The following PRKCA variants were observed in gnomAD, a reference collection of about 807,000 sequenced individuals.
The protein encoded by PRKCA is protein kinase C alpha type.
Under a neutral mutation model 87.0 loss-of-function variants are expected in PRKCA, and 27 were observed. That is an observed-to-expected ratio of 0.31 (90% CI 0.23 to 0.43). The LOEUF is 0.43. Ranked by LOEUF, PRKCA falls within the 20% of genes least tolerant of loss-of-function variation. The probability of loss-of-function intolerance (pLI) is 1.00; values close to 1 mark genes in which losing one functional copy is unlikely to be tolerated. For synonymous variants in PRKCA, 329 were observed against 311.1 expected (o/e 1.06, Z -0.61); for missense variants, 518 against 852.3 (o/e 0.61, Z 4.88).
At chr17:66,311,571 C>T (rs1905088808) in intron 2 of PRKCA, among the ~76,000 whole-genome samples, 2 of 152,094 alleles carry the variant, frequency 1.3e-5, no homozygotes, top group Non-Finnish European at 2.9e-5. Context: ...GAGGTGTGAT[C>T]GTGCCACTGC....
chr17:66,589,346 T>C (rs1598797777), intron 3 of PRKCA, among the ~76,000 whole-genome samples: 1 of 152,222 alleles, frequency 6.6e-6, no homozygotes, highest in Admixed American at 6.5e-5. Context: ...AAAGTGATCA[T>C]AAAATACTTA....
chr17:66,360,084 A>G (rs1027575858), intron 2 of PRKCA, among the ~76,000 whole-genome samples: 1 of 152,242 alleles, frequency 6.6e-6, no homozygotes, highest in Admixed American at 6.5e-5. Flanking sequence ...AGGAATATTC[A>G]TATCACTCAG....
At chr17:66,786,506 A>C (rs772970290) in intron 14 of PRKCA, among the ~76,000 whole-genome samples, 42 of 152,358 alleles carry the variant, frequency 2.8e-4, no homozygotes, top group South Asian at 6.2e-4. Flanking sequence ...CCACAAAGCC[A>C]TCTGTAACCT....
At chr17:66,333,904 T>C (rs937830096) in intron 2 of PRKCA, among the ~76,000 whole-genome samples, 13 of 152,206 alleles carry the variant, frequency 8.5e-5, no homozygotes, top group Non-Finnish European at 1.5e-4. Context: ...ATTATACTAG[T>C]CTTGTGTTCT....
At chr17:66,492,884 T>G (rs1680211889) in intron 2 of PRKCA, among the ~76,000 whole-genome samples, 1 of 152,198 alleles carries the variant, frequency 6.6e-6, no homozygotes, top group African/African-American at 2.4e-5. Flanking sequence ...GGCTGTTTTC[T>G]TCGATTCACA....
intron 13 of PRKCA, among the ~76,000 whole-genome samples, chr17:66,747,022 G>A (rs761195439): frequency 1.1e-4 from 16 of 151,870 alleles, no homozygotes; most frequent in Non-Finnish European, 2.1e-4. Context: ...ACCCCCTACT[G>A]CAGTGAGAGC....
intron 8 of PRKCA, among the ~76,000 whole-genome samples, chr17:66,720,782 A>G (rs914251417): frequency 1.3e-5 from 2 of 152,196 alleles, no homozygotes; most frequent in Admixed American, 6.5e-5. Flanking sequence ...ATTTGTTCCT[A>G]TGGTTGGTCA....
intron 2 of PRKCA, among the ~76,000 whole-genome samples, chr17:66,371,364 A>G (rs1909095404): frequency 1.3e-5 from 2 of 152,166 alleles, no homozygotes; most frequent in African/African-American, 4.8e-5. Context: ...TTGTGAAATG[A>G]CCATTCTGAA....
intron 3 of PRKCA, among the ~76,000 whole-genome samples, chr17:66,635,719 A>G (rs1716694598): frequency 6.6e-6 from 1 of 152,320 alleles, no homozygotes; most frequent in Non-Finnish European, 1.5e-5. Context: ...TAAACAGTAT[A>G]TTTAATACAT....
At chr17:66,735,391 A>G in intron 9 of PRKCA, 98 bp from the exon 10 acceptor site, 18 of 1,271,998 alleles carry the variant, frequency 1.4e-5, no homozygotes, top group Non-Finnish European at 2.0e-5. Context: ...ACAAAGGTGC[A>G]CAAACTGTCA....
In PRKCA at chr17:66,339,017, G is replaced by C. The variant is rs1206381947; in HGVS notation, c.205+32890G>C. ...GACATTTATTTATTGAAGAGTCCTTGTGTCTATATTGAGGGGAGAAACTAG... is the reference window on the plus strand; with the variant it reads ...GACATTTATTTATTGAAGAGTCCTTCTGTCTATATTGAGGGGAGAAACTAG... On this transcript the variant is annotated intron_variant, in intron 2 of 16. Transcript: ENST00000413366. 3.9e-5 allele frequency among the ~76,000 whole-genome samples: 6 copies of C among 152,130 alleles called. No homozygotes were observed. The South Asian group carries it at 1.0e-3, about 26-fold the overall frequency.
Position 66,806,123 on chromosome 17 carries a change from T to C in PRKCA, c.*2086T>C, listed in dbSNP as rs1354483977. ...CAAGGTCCTCAGAGTAGCCGGGTTC[T>C]ACCACAAACAGAAACAGAATGAAAG... is the stretch of plus-strand genomic sequence containing the variant. On this transcript the variant is annotated 3_prime_UTR_variant, in exon 17 of 17. Transcript: ENST00000413366. 6.6e-6 allele frequency: 1 copy of C among 152,268 alleles called. No homozygotes were observed. The highest frequency in any genetic ancestry group is 1.5e-5 in the Non-Finnish European group (1 of 68,060). 9.4% of individuals were successfully genotyped at this position (152,268 alleles called of 1,614,324 possible). A position where few individuals can be genotyped will look rare whatever the true frequency, so the allele number is the denominator to read the frequency against.
chr17:66,627,306 G>T lies in PRKCA; in HGVS notation c.289-14049G>T, dbSNP rs73994244. Among the ~76,000 whole-genome samples, 366 of 151,962 alleles carry T rather than the reference G, an allele frequency of 2.4e-3. 1 individual carries two copies. The highest frequency in any genetic ancestry group is 8.5e-3 in the African/African-American group (350 of 41,270). Reference sequence around the variant, plus strand: ...CTCTGATGCTGTCCTGGGGCGTGGGGGTTGGGGGGAATGTATCAATGAGTA... The same window carrying T: ...CTCTGATGCTGTCCTGGGGCGTGGGTGTTGGGGGGAATGTATCAATGAGTA... On this transcript the variant is annotated intron_variant, in intron 3 of 16. Coordinates refer to ENST00000413366, the MANE Select transcript of PRKCA (RefSeq NM_002737.3).
At chr17:66,639,647 C>T (rs1224221791) in intron 3 of PRKCA, among the ~76,000 whole-genome samples, 2 of 152,038 alleles carry the variant, frequency 1.3e-5, no homozygotes, top group African/African-American at 4.8e-5. Flanking sequence ...CTCAGCCTCC[C>T]AAAGTGCTGA....
intron 2 of PRKCA, among the ~76,000 whole-genome samples, chr17:66,349,119 A>T (rs1157646374): frequency 6.6e-6 from 1 of 152,180 alleles, no homozygotes; most frequent in East Asian, 1.9e-4. Flanking sequence ...CCATCAAGTG[A>T]ACGGTTTGCT....
chr17:66,657,189 GA>G (rs1182707358), intron 5 of PRKCA, among the ~76,000 whole-genome samples: 1 of 152,192 alleles, frequency 6.6e-6, no homozygotes. Flanking sequence ...GCATCCCCAT[GA>G]GGGACTTTTT....
At position 66,718,252 on chromosome 17, in the gene PRKCA, A is replaced by G. The variant is rs183666755; in HGVS notation, c.919-14436A>G. On this transcript the variant is annotated intron_variant, in intron 8 of 16. Coordinates refer to ENST00000413366, the MANE Select transcript of PRKCA (RefSeq NM_002737.3). Reference sequence around the variant, plus strand: ...GCTCACTTTCTGATTCACAGATGGCATCTTCTGGCTTTGCCCACACATGGT... The same window carrying G: ...GCTCACTTTCTGATTCACAGATGGCGTCTTCTGGCTTTGCCCACACATGGT... 2.1e-3 allele frequency among the ~76,000 whole-genome samples: 326 copies of G among 152,310 alleles called. 2 individuals carry two copies. The highest frequency in any genetic ancestry group is 7.6e-3 in the African/African-American group (315 of 41,570).
intron 3 of PRKCA, among the ~76,000 whole-genome samples, chr17:66,553,192 G>A (rs1158053480): frequency 3.9e-5 from 6 of 151,996 alleles, no homozygotes; most frequent in Non-Finnish European, 7.4e-5. Flanking sequence ...GTGTTGCCCA[G>A]GCTGGTCTCA....
At chr17:66,527,337 G>C (rs569764137) in intron 3 of PRKCA, among the ~76,000 whole-genome samples, 37 of 152,182 alleles carry the variant, frequency 2.4e-4, no homozygotes, top group African/African-American at 8.7e-4. Flanking sequence ...TGGCACTGAT[G>C]ACCAATGCAA....
Sources: allele counts gnomAD v4.1 joint callset (sites outside exome capture counted in the v4.1 genomes callset), GRCh38; gene constraint gnomAD v4.1.1; transcripts MANE v1.5; gene names NCBI Gene and HGNC (gene_info 2026-07-23, HGNC 2026-07-21).